The following SMCO2 variants were observed in gnomAD, a reference collection of about 807,000 sequenced individuals.
SMCO2 encodes the protein single-pass membrane and coiled-coil domain-containing protein 2.
SMCO2 carries 25 observed loss-of-function variants against 29.5 expected under a neutral mutation model. That is an observed-to-expected ratio of 0.85 (90% CI 0.62 to 1.18). The LOEUF (loss-of-function observed/expected upper bound fraction) is 1.18, where lower values mean the gene tolerates loss of function less well. Ranked by LOEUF, SMCO2 falls within the 50% of genes most tolerant of loss-of-function variation. The probability of loss-of-function intolerance (pLI) is 0.00; values close to 1 mark genes in which losing one functional copy is unlikely to be tolerated. For synonymous variants in SMCO2, 117 were observed against 123.3 expected (o/e 0.95, Z 0.34); for missense variants, 348 against 344.5 (o/e 1.01, Z -0.08).
chr12:27,436,584 G>T, the SMCO2 span, among the ~76,000 whole-genome samples: 3,381 of 152,150 alleles, frequency 0.022, 132 homozygotes, highest in African/African-American at 0.077. Flanking sequence ...ACTGAGGGAG[G>T]TCAGGGAAAT....
the SMCO2 span, among the ~76,000 whole-genome samples, chr12:27,426,945 C>A: frequency 6.6e-6 from 1 of 152,140 alleles, no homozygotes; most frequent in African/African-American, 2.4e-5. Flanking sequence ...TCATTTGTTT[C>A]AATGACAATT....
At chr12:27,459,658 G>A in the SMCO2 span, among the ~76,000 whole-genome samples, 1 of 152,148 alleles carries the variant, frequency 6.6e-6, no homozygotes, top group South Asian at 2.1e-4. Flanking sequence ...TCATGATTTG[G>A]ACAGGGACCG....
At chr12:27,451,507 T>C in the SMCO2 span, among the ~76,000 whole-genome samples, 1 of 152,230 alleles carries the variant, frequency 6.6e-6, no homozygotes, top group Non-Finnish European at 1.5e-5. Flanking sequence ...GCTCAATATT[T>C]ACTGTTGATG....
At chr12:27,474,753 G>T (rs745893689) in intron 3 of SMCO2, 33 bp from the exon 4 acceptor site, 1 of 1,550,566 alleles carries the variant, frequency 6.4e-7, no homozygotes, top group Non-Finnish European at 8.7e-7. Context: ...CTAACCTTTT[G>T]TTCTGCTTTG....
chr12:27,447,933 G>A, the SMCO2 span, among the ~76,000 whole-genome samples: 2 of 152,048 alleles, frequency 1.3e-5, no homozygotes, highest in Admixed American at 6.6e-5. Flanking sequence ...TGCTGCCACC[G>A]CAACCTTCCC....
rs749381984 is a variant in SMCO2 at position 27,472,737 on chromosome 12, G to A, written c.135-39G>A. The A allele has an allele frequency of 3.3e-6, 5 of 1,497,492 alleles. No homozygotes were observed. The African/African-American group carries it at 4.2e-5, about 12-fold the overall frequency. 92.8% of individuals were successfully genotyped at this position (1,497,492 alleles called of 1,614,324 possible). On this transcript the variant is annotated intron_variant, in intron 2 of 7. Coordinates refer to ENST00000298876, the Ensembl canonical transcript of SMCO2. ...TGCAGGCCCAAGCTCTGGCCCAAAG[G>A]CATAATAACAGCCTCTGTTTGGATT...
At chr12:27,439,846 A>G in the SMCO2 span, among the ~76,000 whole-genome samples, 14 of 152,214 alleles carry the variant, frequency 9.2e-5, no homozygotes, top group Non-Finnish European at 1.3e-4. Context: ...TACAAGATAT[A>G]GAAAAAAACT....
At chr12:27,452,561 C>A in the SMCO2 span, among the ~76,000 whole-genome samples, 1 of 152,214 alleles carries the variant, frequency 6.6e-6, no homozygotes, top group African/African-American at 2.4e-5. Flanking sequence ...ATAATCATGG[C>A]TTACTGCAGC....
At chr12:27,469,075 A>C (rs1291140652) in intron 1 of SMCO2, among the ~76,000 whole-genome samples, 2 of 152,180 alleles carry the variant, frequency 1.3e-5, no homozygotes, top group Non-Finnish European at 2.9e-5. Context: ...AGAATAAGGA[A>C]ATTTTATTAT....
chr12:27,425,630 G>T, the SMCO2 span, among the ~76,000 whole-genome samples: 1 of 152,172 alleles, frequency 6.6e-6, no homozygotes, highest in East Asian at 1.9e-4. Context: ...ACACTCAGAA[G>T]TTCCAAGCGT....
the SMCO2 span, chr12:27,423,431 G>C: frequency 6.9e-6 from 1 of 144,866 alleles, no homozygotes; most frequent in Non-Finnish European, 1.5e-5. Context: ...CTGGGTTCAC[G>C]CCATTCTGCC....
At chr12:27,435,149 A>G in the SMCO2 span, among the ~76,000 whole-genome samples, 2 of 151,716 alleles carry the variant, frequency 1.3e-5, no homozygotes, top group African/African-American at 4.8e-5. Flanking sequence ...GGGTTTCTCT[A>G]CCTTGGCACT....
upstream of SMCO2, among the ~76,000 whole-genome samples, chr12:27,464,146 T>C (rs1949479124): frequency 6.6e-6 from 1 of 151,936 alleles, no homozygotes; most frequent in Non-Finnish European, 1.5e-5. Flanking sequence ...GGAAAGAGAG[T>C]GCACACATGC....
At chr12:27,471,152 A>G (rs974589066) in intron 2 of SMCO2, among the ~76,000 whole-genome samples, 1 of 152,200 alleles carries the variant, frequency 6.6e-6, no homozygotes, top group African/African-American at 2.4e-5. Context: ...TAAAATGCAT[A>G]CTAGTTTAGC....
At chr12:27,471,903 C>A (rs1014248013) in intron 2 of SMCO2, among the ~76,000 whole-genome samples, 33 of 152,164 alleles carry the variant, frequency 2.2e-4, no homozygotes, top group African/African-American at 8.0e-4. Flanking sequence ...ATATACATAT[C>A]TATTGACCTA....
intron 4 of SMCO2, 88 bp downstream of exon 4, chr12:27,475,001 A>C (rs1398025025): frequency 1.4e-6 from 2 of 1,449,086 alleles, no homozygotes; most frequent in Non-Finnish European, 1.8e-6. Flanking sequence ...GAAAGTCTGG[A>C]AGATTTAAAA....
At chr12:27,444,375 C>G in the SMCO2 span, among the ~76,000 whole-genome samples, 1 of 152,256 alleles carries the variant, frequency 6.6e-6, no homozygotes, top group East Asian at 1.9e-4. Context: ...GAATCTAAGA[C>G]CTGAAACTGT....
the SMCO2 span, among the ~76,000 whole-genome samples, chr12:27,428,034 T>C: frequency 6.6e-6 from 1 of 152,154 alleles, no homozygotes; most frequent in East Asian, 1.9e-4. Flanking sequence ...GCAGAACTAG[T>C]TGAACCGGAT....
the SMCO2 span, among the ~76,000 whole-genome samples, chr12:27,425,825 G>T: frequency 4.6e-5 from 7 of 152,086 alleles, no homozygotes; most frequent in African/African-American, 1.7e-4. Flanking sequence ...AGGTTCTATT[G>T]TCCCTTCTGC....
Sources: gnomAD v4.1 joint callset for allele counts (sites outside exome capture counted in the v4.1 genomes callset) on GRCh38, gnomAD v4.1.1 for gene constraint, MANE v1.5 for transcripts, NCBI Gene and HGNC (gene_info 2026-07-23, HGNC 2026-07-21) for gene names.